XKR9: variants seen among roughly 807,000 people sequenced by gnomAD.
The protein encoded by XKR9 is XK-related protein 9.
Under a neutral mutation model 32.0 loss-of-function variants are expected in XKR9, and 32 were observed. The observed-to-expected ratio is 1.00, with a 90% CI of 0.76 to 1.34. The LOEUF is 1.34. XKR9 is among the 40% of genes most tolerant of loss of function. The probability of loss-of-function intolerance (pLI) is 0.00; values close to 1 mark genes in which losing one functional copy is unlikely to be tolerated. For missense variants in XKR9, 546 were observed against 429.7 expected, an observed-to-expected ratio of 1.27 and a Z score of -2.39; for synonymous variants, 168 against 143.4, an observed-to-expected ratio of 1.17 and a Z score of -1.22.
At chr8:70,919,902 C>G in the XKR9 span, among the ~76,000 whole-genome samples, 1 of 152,162 alleles carries the variant, frequency 6.6e-6, no homozygotes, top group Non-Finnish European at 1.5e-5. Flanking sequence ...GTTTTTTGCA[C>G]AGGGCTATTA....
intron 2 of XKR9, among the ~76,000 whole-genome samples, chr8:70,749,639 G>T (rs918133031): frequency 6.6e-6 from 1 of 152,212 alleles, no homozygotes. Flanking sequence ...ACCACTCTGT[G>T]CCTGGCTCAC....
At chr8:70,853,362 A>G in the XKR9 span, among the ~76,000 whole-genome samples, 13 of 152,028 alleles carry the variant, frequency 8.6e-5, no homozygotes, top group Non-Finnish European at 1.9e-4. Flanking sequence ...ATTTTCCATG[A>G]TATTATTACA....
intron 2 of XKR9, among the ~76,000 whole-genome samples, chr8:70,748,322 G>A (rs446455): frequency 1.3e-5 from 2 of 152,228 alleles, no homozygotes; most frequent in Admixed American, 6.5e-5. Flanking sequence ...CCCTGCACTC[G>A]CAGGGGCCCA....
intron 4 of XKR9, among the ~76,000 whole-genome samples, chr8:70,712,191 A>G (rs1486197970): frequency 6.6e-6 from 1 of 152,150 alleles, no homozygotes; most frequent in Non-Finnish European, 1.5e-5. Flanking sequence ...TAGAAGATGG[A>G]AAGCAGATGG....
intron 3 of XKR9, among the ~76,000 whole-genome samples, chr8:70,695,292 G>A: frequency 6.8e-6 from 1 of 147,714 alleles, no homozygotes; most frequent in African/African-American, 2.5e-5. Flanking sequence ...TCGTCATTTA[G>A]CATTAGGTAT....
At position 70,753,146 on chromosome 8, in the gene XKR9, A is replaced by G. The variant is rs187949229; in HGVS notation, n.353-36193A>G. The stretch of plus-strand genomic sequence containing the variant: ...AGAATACTACAAACACCTCTACACA[A>G]ATAAACTAGAAAATCTAGAAGAAAT... On this transcript the variant is annotated intron_variant and non_coding_transcript_variant, in intron 2 of 3. Coordinates refer to the XKR9 transcript ENST00000520273. Among the ~76,000 whole-genome samples the G allele has an allele frequency of 1.8e-3, 274 of 152,390 alleles. 3 individuals are homozygous for G. Among genetic ancestry groups the G allele is most frequent in the Admixed American group, 0.014 (222 of 15,312 alleles).
chr8:70,971,375 T>C, the XKR9 span, among the ~76,000 whole-genome samples: 1 of 152,124 alleles, frequency 6.6e-6, no homozygotes, highest in African/African-American at 2.4e-5. Context: ...CTTTGTTGGA[T>C]GTGTAGATTG....
intron 2 of XKR9, among the ~76,000 whole-genome samples, chr8:70,741,136 T>C (rs7010889): frequency 0.53 from 81,076 of 152,134 alleles, 22,607 homozygotes; most frequent in Middle Eastern, 0.62. Context: ...TTCGAGCATC[T>C]GGGCTGCTTT....
At chr8:70,851,228 A>T in the XKR9 span, among the ~76,000 whole-genome samples, 17 of 152,156 alleles carry the variant, frequency 1.1e-4, no homozygotes, top group Non-Finnish European at 1.9e-4. Flanking sequence ...CTTACAAGGG[A>T]TGTGAAGGAC....
chr8:70,891,518 A>G, the XKR9 span, among the ~76,000 whole-genome samples: 166 of 152,074 alleles, frequency 1.1e-3, no homozygotes, highest in Non-Finnish European at 1.9e-3. Flanking sequence ...TGAAATTTTC[A>G]AATATTCTTC....
At chr8:70,765,039 G>T (rs1807356547) in intron 2 of XKR9, among the ~76,000 whole-genome samples, 1 of 152,142 alleles carries the variant, frequency 6.6e-6, no homozygotes. Context: ...TGTGAATAGT[G>T]CTGCAATAAA....
intron 4 of XKR9, among the ~76,000 whole-genome samples, chr8:70,713,186 A>G (rs1356236783): frequency 1.3e-5 from 2 of 152,172 alleles, no homozygotes; most frequent in African/African-American, 2.4e-5. Flanking sequence ...ACAGAATTAA[A>G]TAGACAATGA....
At chr8:70,945,960 C>A in the XKR9 span, among the ~76,000 whole-genome samples, 1 of 152,062 alleles carries the variant, frequency 6.6e-6, no homozygotes, top group Non-Finnish European at 1.5e-5. Context: ...CATGGTGAAA[C>A]CCCGTCTCTA....
intron 2 of XKR9, among the ~76,000 whole-genome samples, chr8:70,766,682 A>C (rs1807380776): frequency 1.3e-5 from 2 of 152,290 alleles, no homozygotes; most frequent in East Asian, 1.9e-4. Context: ...GCCAGCATTC[A>C]AAGGGAATGC....
At chr8:70,738,183 C>T (rs1490770821), downstream of XKR9, among the ~76,000 whole-genome samples, 1 of 135,096 alleles carries the variant, frequency 7.4e-6, no homozygotes, top group Non-Finnish European at 1.7e-5. Context: ...CAACTTCTTC[C>T]TGGGTTAGTG....
the XKR9 span, among the ~76,000 whole-genome samples, chr8:70,974,221 C>CT: frequency 8.6e-4 from 123 of 142,446 alleles, no homozygotes; most frequent in East Asian, 5.2e-3. Context: ...TAGTGTCCCT[C>CT]TTTTTTTTTT....
chr8:70,883,351 C>A, the XKR9 span, among the ~76,000 whole-genome samples: 2 of 151,936 alleles, frequency 1.3e-5, no homozygotes, highest in African/African-American at 2.4e-5. Flanking sequence ...TGTATATATA[C>A]CACATTTTTT....
chr8:70,929,090 A>G, the XKR9 span, among the ~76,000 whole-genome samples: 3 of 152,174 alleles, frequency 2.0e-5, no homozygotes, highest in Non-Finnish European at 4.4e-5. Flanking sequence ...CATAAATGCA[A>G]CACAATAAGC....
the XKR9 span, among the ~76,000 whole-genome samples, chr8:70,840,688 C>CT: frequency 3.3e-5 from 5 of 152,092 alleles, no homozygotes; most frequent in African/African-American, 1.2e-4. Flanking sequence ...CCTGAGAGGC[C>CT]TGTGCATCCT....
Sources: gnomAD v4.1 joint callset for allele counts (sites outside exome capture counted in the v4.1 genomes callset) on GRCh38, gnomAD v4.1.1 for gene constraint, MANE v1.5 for transcripts, NCBI Gene and HGNC (gene_info 2026-07-23, HGNC 2026-07-21) for gene names.